The following SYNE1 variants were observed in gnomAD, a reference collection of about 807,000 sequenced individuals.
SYNE1 encodes nesprin-1.
In SYNE1, 616 loss-of-function variants were observed where a neutral mutation model predicts 1,111.0. That is an observed-to-expected ratio of 0.55 (90% CI 0.52 to 0.59). The LOEUF (loss-of-function observed/expected upper bound fraction) is 0.59. SYNE1 is among the 20% of genes least tolerant of loss of function. SYNE1 has a pLI of 0.00. For missense variants in SYNE1, 10,006 were observed against 10,417.0 expected, an observed-to-expected ratio of 0.96 and a Z score of 1.72; for synonymous variants, 3,855 against 3,825.8, an observed-to-expected ratio of 1.01 and a Z score of -0.28.
intron 127 of SYNE1, among the ~76,000 whole-genome samples, chr6:152,197,476 C>A (rs1171980588): frequency 1.3e-5 from 2 of 152,194 alleles, no homozygotes; most frequent in Non-Finnish European, 2.9e-5. Context: ...TATAGCCTCA[C>A]AAAGTGTATT....
chr6:152,369,326 T>G, intron 60 of SYNE1, 145 bp downstream of exon 60: 1 of 1,417,028 alleles, frequency 7.1e-7, no homozygotes. Context: ...TCAGAAAACA[T>G]AAAATCCACC....
At chr6:152,257,744 C>T (rs1180496197) in intron 101 of SYNE1, among the ~76,000 whole-genome samples, 1 of 151,758 alleles carries the variant, frequency 6.6e-6, no homozygotes, top group South Asian at 2.1e-4. Flanking sequence ...AAGATCAGTA[C>T]AACTAAAAAT....
At chr6:152,209,672 C>T (rs1472476890) in intron 124 of SYNE1, among the ~76,000 whole-genome samples, 2 of 151,818 alleles carry the variant, frequency 1.3e-5, no homozygotes, top group African/African-American at 2.4e-5. Flanking sequence ...ATCACTTGAA[C>T]CCAGAAGGTG....
intron 64 of SYNE1, among the ~76,000 whole-genome samples, chr6:152,360,270 C>G (rs917242867): frequency 6.6e-6 from 1 of 152,190 alleles, no homozygotes; most frequent in African/African-American, 2.4e-5. Flanking sequence ...CAGCCCCTCC[C>G]TGCCTACTCT....
intron 74 of SYNE1, among the ~76,000 whole-genome samples, chr6:152,343,491 T>C (rs2096575981): frequency 6.7e-6 from 1 of 149,978 alleles, no homozygotes; most frequent in South Asian, 2.1e-4. Flanking sequence ...TTCTTTTTAA[T>C]AGTTTATTTT....
intron 100 of SYNE1, among the ~76,000 whole-genome samples, chr6:152,267,829 C>T (rs1463717683): frequency 6.6e-6 from 1 of 152,140 alleles, no homozygotes; most frequent in African/African-American, 2.4e-5. Context: ...GACAGATAGG[C>T]TGCGCAGGCT....
intron 40 of SYNE1, 108 bp from the exon 41 acceptor site, chr6:152,417,123 T>C: frequency 2.7e-6 from 4 of 1,495,518 alleles, no homozygotes; most frequent in South Asian, 1.1e-5. Context: ...CCATGGATAG[T>C]ATAGTACTTA....
At chr6:152,577,661 T>C (rs1174400293) in intron 3 of SYNE1, among the ~76,000 whole-genome samples, 2 of 152,056 alleles carry the variant, frequency 1.3e-5, no homozygotes, top group African/African-American at 4.8e-5. Context: ...AAAAATTCTC[T>C]AACTATGAAA....
At chr6:152,141,479 G>A (rs1235883352) in intron 138 of SYNE1, 150 bp from the exon 139 acceptor site, 18 of 1,042,610 alleles carry the variant, frequency 1.7e-5, no homozygotes, top group East Asian at 1.0e-4. Flanking sequence ...CAAGATGGCC[G>A]AGTGTGGTGT....
intron 58 of SYNE1, among the ~76,000 whole-genome samples, chr6:152,374,603 T>G (rs9479305): frequency 0.5 from 76,394 of 151,830 alleles, 19,351 homozygotes; most frequent in Non-Finnish European, 0.54. Context: ...GTGAAACCCC[T>G]TCTCTACCAA....
intron 14 of SYNE1, among the ~76,000 whole-genome samples, chr6:152,473,590 T>C (rs1445127491): frequency 6.6e-6 from 1 of 152,206 alleles, no homozygotes; most frequent in African/African-American, 2.4e-5. Context: ...TCACAAGTCA[T>C]GTGTGCCTCA....
intron 104 of SYNE1, among the ~76,000 whole-genome samples, chr6:152,252,883 C>T (rs575642526): frequency 6.6e-6 from 1 of 152,312 alleles, no homozygotes; most frequent in Non-Finnish European, 1.5e-5. Flanking sequence ...AGTTCCAGAG[C>T]ATTCATGCCT....
intron 4 of SYNE1, among the ~76,000 whole-genome samples, chr6:152,528,429 C>T (rs983586740): frequency 1.3e-5 from 2 of 152,100 alleles, no homozygotes; most frequent in Non-Finnish European, 2.9e-5. Context: ...ATAAGGTATT[C>T]TTTATATATA....
intron 3 of SYNE1, among the ~76,000 whole-genome samples, chr6:152,573,329 C>G (rs12176119): frequency 1.8e-4 from 23 of 128,826 alleles, no homozygotes; most frequent in South Asian, 9.2e-4. Context: ...CTATCCCCCC[C>G]CCTCCCCCCA....
intron 87 of SYNE1, among the ~76,000 whole-genome samples, chr6:152,312,998 A>G (rs1589837013): frequency 6.6e-6 from 1 of 152,218 alleles, no homozygotes; most frequent in African/African-American, 2.4e-5. Flanking sequence ...CGGCTACTCC[A>G]TTGACAAAGC....
chr6:152,543,098 G>T (rs2099279738), intron 3 of SYNE1, among the ~76,000 whole-genome samples: 1 of 151,880 alleles, frequency 6.6e-6, no homozygotes, highest in Admixed American at 6.6e-5. Context: ...AACCTTTAAT[G>T]AAATAAAAAT....
chr6:152,436,482 G>T (rs924677020), intron 32 of SYNE1, among the ~76,000 whole-genome samples: 1 of 151,810 alleles, frequency 6.6e-6, no homozygotes, highest in Non-Finnish European at 1.5e-5. Context: ...TCTGATTTTT[G>T]TACAGATGAG....
At chr6:152,453,886 TAGTTATGAATCAG>T (rs1331171253) in intron 24 of SYNE1, among the ~76,000 whole-genome samples, 166 bp from the exon 25 acceptor site, 1 of 152,234 alleles carries the variant, frequency 6.6e-6, no homozygotes, top group African/African-American at 2.4e-5. Flanking sequence ...TGTGCACCTA[TAGTTATGAATCAG>T]AAGCCATCAT....
intron 87 of SYNE1, among the ~76,000 whole-genome samples, chr6:152,314,512 TG>T (rs2095648671): frequency 6.6e-6 from 1 of 152,136 alleles, no homozygotes; most frequent in South Asian, 2.1e-4. Context: ...CTTCAGCACC[TG>T]GGCCCTCTGT....
Sources: gnomAD v4.1 joint callset for allele counts (sites outside exome capture counted in the v4.1 genomes callset) on GRCh38, gnomAD v4.1.1 for gene constraint, MANE v1.5 for transcripts, NCBI Gene and HGNC (gene_info 2026-07-23, HGNC 2026-07-21) for gene names.